The following PTPRD variants were observed in gnomAD, a reference collection of about 807,000 sequenced individuals.
The protein encoded by PTPRD is protein tyrosine phosphatase receptor type D.
In PTPRD, 34 loss-of-function variants were observed where a neutral mutation model predicts 214.5. The observed-to-expected ratio is 0.16, with a 90% CI of 0.12 to 0.21. The LOEUF (loss-of-function observed/expected upper bound fraction) is 0.21. PTPRD is among the 10% of genes least tolerant of loss of function. PTPRD has a pLI of 1.00. For synonymous variants in PTPRD, 1,128 were observed against 845.7 expected (o/e 1.33, Z -5.79); for missense variants, 2,545 against 2,398.7 (o/e 1.06, Z -1.27).
intron 8 of PTPRD, among the ~76,000 whole-genome samples, chr9:9,506,480 T>A (rs1017025676): frequency 2.0e-5 from 3 of 151,448 alleles, no homozygotes; most frequent in Admixed American, 1.3e-4. Flanking sequence ...TCCAGATTTA[T>A]GATTCTAAGA....
At chr9:9,120,220 T>C (rs1023508922) in intron 10 of PTPRD, among the ~76,000 whole-genome samples, 7 of 152,222 alleles carry the variant, frequency 4.6e-5, no homozygotes, top group Non-Finnish European at 1.0e-4. Flanking sequence ...AGAAATCTGT[T>C]CACCAAATTT....
At chr9:8,622,310 A>C (rs1344700307) in intron 14 of PTPRD, among the ~76,000 whole-genome samples, 1 of 151,964 alleles carries the variant, frequency 6.6e-6, no homozygotes, top group East Asian at 1.9e-4. Flanking sequence ...ACTCATCAGG[A>C]CAAAAAGGTG....
chr9:8,789,120 G>C (rs1262308931), intron 11 of PTPRD, among the ~76,000 whole-genome samples: 2 of 152,058 alleles, frequency 1.3e-5, no homozygotes, highest in Admixed American at 1.3e-4. Flanking sequence ...TGACTCCAAA[G>C]GCATCACCAA....
At chr9:10,146,156 T>C (rs933039713) in intron 3 of PTPRD, among the ~76,000 whole-genome samples, 1 of 150,944 alleles carries the variant, frequency 6.6e-6, no homozygotes, top group Non-Finnish European at 1.5e-5. Flanking sequence ...CATCCATATA[T>C]ATATATATAT....
intron 2 of PTPRD, among the ~76,000 whole-genome samples, chr9:10,610,240 G>A (rs189136254): frequency 1.2e-4 from 18 of 152,252 alleles, no homozygotes; most frequent in African/African-American, 4.3e-4. Flanking sequence ...TCAAATGCAT[G>A]TGCAAGCTTT....
rs724159862 is a variant in PTPRD, at chr9:8,376,684, G to A, written c.4429C>T (p.His1477Tyr). ...AGCAGCGTTACTTGAACGAGTCCGTGGGTTTCTGTGCCTCTGCTAGGCCAA... is the reference window on the plus strand; with the variant it reads ...AGCAGCGTTACTTGAACGAGTCCGTAGGTTTCTGTGCCTCTGCTAGGCCAA... ...QYWPSRGTET[H>Y]GLVQVTLLDT... Residue 1477 changes from histidine (H) to tyrosine (Y), a missense_variant, in exon 38 of 46, where the codon CAC (histidine) becomes TAC (tyrosine). Transcript: ENST00000381196. 3.7e-6 allele frequency: 6 copies of A among 1,612,930 alleles called. No individual in the cohort carries two copies. Among genetic ancestry groups the A allele is most frequent in the Middle Eastern group, 1.6e-4 (1 of 6,076 alleles).
chr9:9,547,268 C>T (rs1569569173), intron 8 of PTPRD, among the ~76,000 whole-genome samples: 1 of 152,068 alleles, frequency 6.6e-6, no homozygotes, highest in African/African-American at 2.4e-5. Flanking sequence ...CCTTTGTGTT[C>T]CTTTACCTCC....
chr9:9,353,743 A>G (rs960546302), intron 9 of PTPRD, among the ~76,000 whole-genome samples: 1 of 151,888 alleles, frequency 6.6e-6, no homozygotes, highest in Non-Finnish European at 1.5e-5. Flanking sequence ...CAAGGAATAT[A>G]TTAGTTTTCT....
At chr9:10,580,705 A>G (rs2071419531) in intron 2 of PTPRD, among the ~76,000 whole-genome samples, 1 of 152,200 alleles carries the variant, frequency 6.6e-6, no homozygotes, top group South Asian at 2.1e-4. Flanking sequence ...ATAAATTATA[A>G]TAGTCAAAGA....
At chr9:9,554,294 T>C (rs375826214) in intron 8 of PTPRD, among the ~76,000 whole-genome samples, 1 of 152,112 alleles carries the variant, frequency 6.6e-6, no homozygotes, top group Non-Finnish European at 1.5e-5. Flanking sequence ...TTGAGCATTT[T>C]ATGGGTGAAT....
chr9:10,292,864 T>A (rs1313600930), intron 3 of PTPRD, among the ~76,000 whole-genome samples: 2 of 151,920 alleles, frequency 1.3e-5, no homozygotes, highest in East Asian at 3.9e-4. Context: ...TAATGAGTGT[T>A]ATAATGTGTG....
At chr9:8,454,445 G>C (rs1160496389) in intron 33 of PTPRD, 1 of 789,928 alleles carries the variant, frequency 1.3e-6, no homozygotes, top group Non-Finnish European at 2.1e-6. Context: ...TGTATATGTA[G>C]GCTTTGCCCA....
At chr9:9,546,071 T>C (rs1357410344) in intron 8 of PTPRD, among the ~76,000 whole-genome samples, 4 of 151,818 alleles carry the variant, frequency 2.6e-5, no homozygotes, top group African/African-American at 9.7e-5. Context: ...GTGTTTTTAA[T>C]CTCAATTTCC....
chr9:10,592,464 A>G (rs2075695409), intron 2 of PTPRD, among the ~76,000 whole-genome samples: 1 of 152,020 alleles, frequency 6.6e-6, no homozygotes, highest in Non-Finnish European at 1.5e-5. Flanking sequence ...AGAACATTAC[A>G]GTATCTCATG....
rs182696553 is a variant in PTPRD at position 9,093,083 on chromosome 9, A to G, written c.-142-74348T>C. 2.7e-4 allele frequency among the ~76,000 whole-genome samples: 41 copies of G among 152,214 alleles called. No individual in the cohort carries two copies. The East Asian group carries it at 6.0e-3, about 22-fold the overall frequency. On this transcript the variant is annotated intron_variant, in intron 10 of 45. Transcript: ENST00000381196. Reference sequence around the variant, plus strand: ...ATAAAGTAGGCTTCAGAACAGGGATATGGAGGGACATTGCATAGTGATAAA... The same window carrying G: ...ATAAAGTAGGCTTCAGAACAGGGATGTGGAGGGACATTGCATAGTGATAAA...
intron 2 of PTPRD, among the ~76,000 whole-genome samples, chr9:10,410,584 A>G (rs1442329450): frequency 1.3e-5 from 2 of 151,672 alleles, no homozygotes; most frequent in Admixed American, 1.3e-4. Context: ...TTTCTTATGT[A>G]TTCATAGCTT....
chr9:9,468,587 T>C (rs758029342), intron 8 of PTPRD, among the ~76,000 whole-genome samples: 9 of 152,248 alleles, frequency 5.9e-5, no homozygotes, highest in Non-Finnish European at 1.3e-4. Flanking sequence ...TGTCTTTATT[T>C]CATAAACATG....
intron 10 of PTPRD, among the ~76,000 whole-genome samples, chr9:9,126,729 T>C (rs187903879): frequency 6.6e-6 from 1 of 152,354 alleles, no homozygotes; most frequent in East Asian, 1.9e-4. Flanking sequence ...TTTAAGAAGT[T>C]CTTGCTATTG....
chr9:10,071,663 T>C (rs1271166631), intron 3 of PTPRD, among the ~76,000 whole-genome samples: 3 of 152,172 alleles, frequency 2.0e-5, no homozygotes, highest in South Asian at 2.1e-4. Context: ...AAAATAAGTC[T>C]AAAACTCTAA....
Sources: allele counts gnomAD v4.1 joint callset (sites outside exome capture counted in the v4.1 genomes callset), GRCh38; gene constraint gnomAD v4.1.1; transcripts MANE v1.5; gene names NCBI Gene and HGNC (gene_info 2026-07-23, HGNC 2026-07-21).